FHOD3: variants seen among roughly 807,000 people sequenced by gnomAD.
FHOD3 encodes FH1/FH2 domain-containing protein 3.
Under a neutral mutation model 173.0 loss-of-function variants are expected in FHOD3, and 90 were observed. That is an observed-to-expected ratio of 0.52 (90% CI 0.44 to 0.62). FHOD3 has a LOEUF of 0.62. Ranked by LOEUF, FHOD3 falls within the 20% of genes least tolerant of loss-of-function variation. The probability of loss-of-function intolerance (pLI) is 0.00; values close to 1 mark genes in which losing one functional copy is unlikely to be tolerated. For synonymous variants in FHOD3, 828 were observed against 823.0 expected (o/e 1.01, Z -0.10); for missense variants, 1,945 against 2,034.7 (o/e 0.96, Z 0.85).
At chr18:36,365,587 AAGTT>A (rs1249891923) in intron 2 of FHOD3, among the ~76,000 whole-genome samples, 2 of 152,182 alleles carry the variant, frequency 1.3e-5, no homozygotes, top group African/African-American at 4.8e-5. Flanking sequence ...AAAGTTAAAA[AAGTT>A]AGATTGTAAT....
chr18:36,657,130 A>G (rs1473220184), intron 13 of FHOD3, among the ~76,000 whole-genome samples: 2 of 152,206 alleles, frequency 1.3e-5, no homozygotes, highest in East Asian at 3.8e-4. Context: ...TCCATGTGCA[A>G]GAAGCTCTTT....
intron 24 of FHOD3, among the ~76,000 whole-genome samples, chr18:36,747,781 A>G (rs2042217296): frequency 6.6e-6 from 1 of 152,230 alleles, no homozygotes; most frequent in South Asian, 2.1e-4. Flanking sequence ...GGTAGCCCGA[A>G]GACTAGAACC....
rs147346176 is a variant in FHOD3, at chr18:36,460,603, G to A, written c.338-41329G>A. 4.5e-4 allele frequency among the ~76,000 whole-genome samples: 68 copies of A among 152,318 alleles called. No homozygotes were observed. The East Asian group carries it at 0.012, about 26-fold the overall frequency. On this transcript the variant is annotated intron_variant, in intron 3 of 28. Coordinates refer to ENST00000590592, the MANE Select transcript of FHOD3 (RefSeq NM_001281740.3). ...TGGAATTCAGTAGCTCCTAACCTGT[G>A]TGCTCAGTTTATGGGAACATGTGTT... is the stretch of plus-strand genomic sequence containing the variant.
chr18:36,675,138 A>G (rs754632262), intron 14 of FHOD3, among the ~76,000 whole-genome samples: 25 of 152,082 alleles, frequency 1.6e-4, no homozygotes, highest in Non-Finnish European at 3.2e-4. Context: ...CTGCACACCT[A>G]GGGAAGGCTG....
chr18:36,766,034 A>AAAAT (rs772644272), intron 27 of FHOD3, among the ~76,000 whole-genome samples: 198 of 152,228 alleles, frequency 1.3e-3, no homozygotes, highest in East Asian at 6.4e-3. Flanking sequence ...ACAAAGTGCT[A>AAAAT]AAATAAATAA....
chr18:36,367,901 A>AC (rs1002956338), intron 2 of FHOD3, among the ~76,000 whole-genome samples: 30 of 150,756 alleles, frequency 2.0e-4, no homozygotes, highest in African/African-American at 4.1e-4. Flanking sequence ...TTTGGCAGTC[A>AC]CCCCCCCATC....
intron 3 of FHOD3, among the ~76,000 whole-genome samples, chr18:36,474,978 TACACACATACACAC>T (rs2053478194): frequency 3.2e-5 from 3 of 95,094 alleles, no homozygotes; most frequent in African/African-American, 1.2e-4. Flanking sequence ...AGGTTGAAAA[TACACACATACACAC>T]ACACACACAC....
intron 1 of FHOD3, among the ~76,000 whole-genome samples, chr18:36,350,166 A>G (rs1286874327): frequency 2.0e-5 from 3 of 152,198 alleles, no homozygotes; most frequent in African/African-American, 7.2e-5. Flanking sequence ...AAGGAGTGGA[A>G]GGCTCTTTCT....
chr18:36,534,767 G>A (rs1486375013), intron 5 of FHOD3, among the ~76,000 whole-genome samples: 3 of 152,302 alleles, frequency 2.0e-5, no homozygotes, highest in Admixed American at 1.3e-4. Flanking sequence ...TTTACAAAGC[G>A]CTGCTGAACC....
chr18:36,391,348 G>A (rs1183739676), intron 3 of FHOD3, among the ~76,000 whole-genome samples: 1 of 152,198 alleles, frequency 6.6e-6, no homozygotes, highest in Non-Finnish European at 1.5e-5. Flanking sequence ...ACAGATGCCA[G>A]GATCCCTGTT....
intron 2 of FHOD3, among the ~76,000 whole-genome samples, chr18:36,356,014 T>A (rs1479613024): frequency 6.6e-6 from 1 of 152,204 alleles, no homozygotes; most frequent in African/African-American, 2.4e-5. Context: ...GGAGGATCGC[T>A]TGAGTCTGGG....
At chr18:36,716,908 A>ATG (rs1345159982) in intron 18 of FHOD3, among the ~76,000 whole-genome samples, 26 of 135,344 alleles carry the variant, frequency 1.9e-4, no homozygotes, top group Middle Eastern at 3.6e-3. Flanking sequence ...GAAATTATAT[A>ATG]TGTGTATGTG....
At position 36,635,444 on chromosome 18, in the gene FHOD3, G is replaced by A. The variant is rs2034813698; in HGVS notation, c.1196+9695G>A. On this transcript the variant is annotated intron_variant, in intron 10 of 28. Coordinates refer to ENST00000590592, the MANE Select transcript of FHOD3 (RefSeq NM_001281740.3). ...AGGAGCATTCTGGGCACAGCATGGG[G>A]AACTCACTGGGGGAGAGCAGGCTGC... 2.0e-5 allele frequency among the ~76,000 whole-genome samples: 3 copies of A among 152,184 alleles called. No homozygotes were observed. The South Asian group carries it at 6.2e-4, about 31-fold the overall frequency.
intron 3 of FHOD3, among the ~76,000 whole-genome samples, chr18:36,450,472 TTTATTTATTTA>T: frequency 4.1e-5 from 5 of 121,768 alleles, no homozygotes; most frequent in African/African-American, 2.0e-4. Context: ...TATTTATTTA[TTTATTTATTTA>T]TTTAATTTTT....
intron 1 of FHOD3, among the ~76,000 whole-genome samples, chr18:36,322,748 T>C (rs2044464267): frequency 6.6e-6 from 1 of 152,214 alleles, no homozygotes; most frequent in African/African-American, 2.4e-5. Flanking sequence ...CCTTAGCTCC[T>C]TGCATTCCTG....
chr18:36,388,496 C>G (rs545004291), intron 3 of FHOD3, among the ~76,000 whole-genome samples: 19 of 152,318 alleles, frequency 1.2e-4, no homozygotes, highest in African/African-American at 4.6e-4. Flanking sequence ...TTTTGTGTAG[C>G]AGGACTTACC....
chr18:36,461,824 T>C (rs376453088), intron 3 of FHOD3, among the ~76,000 whole-genome samples: 1 of 151,672 alleles, frequency 6.6e-6, no homozygotes, highest in Non-Finnish European at 1.5e-5. Context: ...AGGAAGGGGG[T>C]GATGTAGTGG....
intron 5 of FHOD3, among the ~76,000 whole-genome samples, chr18:36,556,126 G>A (rs1054257866): frequency 6.1e-4 from 93 of 151,808 alleles, no homozygotes; most frequent in African/African-American, 2.2e-3. Flanking sequence ...CTCTTTTTCT[G>A]CCTTTTTTTG....
At chr18:36,322,630 T>C (rs2044456930) in intron 1 of FHOD3, among the ~76,000 whole-genome samples, 1 of 152,116 alleles carries the variant, frequency 6.6e-6, no homozygotes, top group Non-Finnish European at 1.5e-5. Context: ...CTGCTGCTCA[T>C]CACCTGCACC....
Sources: gnomAD v4.1 joint callset for allele counts (sites outside exome capture counted in the v4.1 genomes callset) on GRCh38, gnomAD v4.1.1 for gene constraint, MANE v1.5 for transcripts, NCBI Gene and HGNC (gene_info 2026-07-23, HGNC 2026-07-21) for gene names.